ZNF512: variants seen among roughly 807,000 people sequenced by gnomAD.
ZNF512 encodes the protein zinc finger protein 512.
A neutral mutation model predicts 77.5 loss-of-function variants in ZNF512; 25 were observed. The ratio of observed to expected loss-of-function variants is 0.32; its 90% CI spans 0.23 to 0.45. The LOEUF (loss-of-function observed/expected upper bound fraction) is 0.45, where lower values mean the gene tolerates loss of function less well. Among genes scored for constraint, ZNF512 ranks in the 20% least tolerant of loss-of-function variants. The pLI is 1.00. For missense variants in ZNF512, 483 were observed against 692.6 expected (o/e 0.70, Z 3.40); for synonymous variants, 246 against 239.9 (o/e 1.03, Z -0.24).
At chr2:27,608,151 GT>G (rs1672450706) in intron 10 of ZNF512, 112 bp downstream of exon 10, 3 of 1,036,882 alleles carry the variant, frequency 2.9e-6, no homozygotes, top group Non-Finnish European at 4.0e-6. Flanking sequence ...TATTTTGTTT[GT>G]TTATCTTTGG....
intron 10 of ZNF512, among the ~76,000 whole-genome samples, chr2:27,611,094 T>C (rs1672640742): frequency 6.6e-6 from 1 of 152,190 alleles, no homozygotes; most frequent in Non-Finnish European, 1.5e-5. Flanking sequence ...TTTCTTGATG[T>C]ACATATAAGC....
intron 2 of ZNF512, among the ~76,000 whole-genome samples, chr2:27,591,657 C>T (rs1483036583): frequency 3.9e-5 from 6 of 152,228 alleles, no homozygotes; most frequent in Admixed American, 2.0e-4. Context: ...GATCTGCCCA[C>T]CTCGGCCTCC....
chr2:27,597,924 A>G (rs902559396), intron 2 of ZNF512, 143 bp from the exon 3 acceptor site: 3 of 541,802 alleles, frequency 5.5e-6, no homozygotes, highest in African/African-American at 1.9e-5. Context: ...TGTTATTGTT[A>G]GGTGATTACA....
chr2:27,620,135 GT>G (rs1159775773), intron 13 of ZNF512, among the ~76,000 whole-genome samples: 1 of 151,994 alleles, frequency 6.6e-6, no homozygotes, highest in Non-Finnish European at 1.5e-5. Context: ...TGAAATTAAT[GT>G]TAATAATTAT....
chr2:27,612,428 T>C (rs1672706202), intron 10 of ZNF512, among the ~76,000 whole-genome samples: 1 of 152,160 alleles, frequency 6.6e-6, no homozygotes, highest in Non-Finnish European at 1.5e-5. Context: ...TCATTGTTTC[T>C]GTGCCTTCTT....
At chr2:27,609,367 C>T (rs1672510014) in intron 10 of ZNF512, among the ~76,000 whole-genome samples, 1 of 152,112 alleles carries the variant, frequency 6.6e-6, no homozygotes, top group Admixed American at 6.5e-5. Flanking sequence ...GGGTTTTGCA[C>T]AGTGATATTT....
chr2:27,592,297 T>TTTTA (rs1038077165), intron 2 of ZNF512, among the ~76,000 whole-genome samples: 11 of 150,932 alleles, frequency 7.3e-5, no homozygotes, highest in East Asian at 2.0e-4. Flanking sequence ...AGCTTAGTTT[T>TTTTA]TTTATTTATT....
intron 13 of ZNF512, among the ~76,000 whole-genome samples, chr2:27,619,038 G>C (rs1281643337): frequency 6.6e-6 from 1 of 152,192 alleles, no homozygotes; most frequent in Non-Finnish European, 1.5e-5. Context: ...CCTAACCAAA[G>C]CCTGAGATGT....
intron 2 of ZNF512, among the ~76,000 whole-genome samples, chr2:27,590,640 G>T (rs1426263747): frequency 6.6e-6 from 1 of 151,812 alleles, no homozygotes; most frequent in East Asian, 1.9e-4. Flanking sequence ...TCTTCTTTTG[G>T]ATTATTTGAA....
At chr2:27,620,972 A>G (rs1460556262) in intron 13 of ZNF512, among the ~76,000 whole-genome samples, 181 bp from the exon 14 acceptor site, 1 of 152,220 alleles carries the variant, frequency 6.6e-6, no homozygotes, top group Non-Finnish European at 1.5e-5. Context: ...TGTGCTTGTA[A>G]TAGCTGCTCT....
At chr2:27,608,518 C>T (rs1221971543) in intron 10 of ZNF512, among the ~76,000 whole-genome samples, 1 of 151,972 alleles carries the variant, frequency 6.6e-6, no homozygotes, top group Non-Finnish European at 1.5e-5. Context: ...ACTTGGCCTT[C>T]TTCTTCTTGA....
intron 7 of ZNF512, among the ~76,000 whole-genome samples, 183 bp downstream of exon 7, chr2:27,601,625 C>T (rs1672117967): frequency 6.6e-6 from 1 of 150,608 alleles, no homozygotes; most frequent in Non-Finnish European, 1.5e-5. Context: ...AGGCGTGCGC[C>T]ACCACGCCTG....
chr2:27,615,531 A>G (rs1349071753), intron 11 of ZNF512, among the ~76,000 whole-genome samples: 3 of 152,254 alleles, frequency 2.0e-5, no homozygotes, highest in Non-Finnish European at 4.4e-5. Flanking sequence ...GTTTCTGTGC[A>G]GCTGCATTTA....
At position 27,592,667 on chromosome 2, in the gene ZNF512, C is replaced by CTT. The variant is rs139890307; in HGVS notation, c.90-5371_90-5370dup. 6.2e-3 allele frequency among the ~76,000 whole-genome samples: 504 copies of CTT among 81,530 alleles called. 48 individuals carry two copies. Among genetic ancestry groups the CTT allele is most frequent in the Non-Finnish European group, 9.3e-3 (398 of 42,708 alleles). 53.5% of individuals were successfully genotyped at this position (81,530 alleles called of 152,430 possible). On this transcript the variant is annotated intron_variant, in intron 2 of 13. Coordinates refer to ENST00000355467, the MANE Select transcript of ZNF512 (RefSeq NM_032434.4). Reference sequence around the variant, plus strand: ...TACCCATATAATTTACCATGTTTACCTTTTTTTTTTTTTTTTTTTTTTTTT... The same window carrying CTT: ...TACCCATATAATTTACCATGTTTACCTTTTTTTTTTTTTTTTTTTTTTTTTTT...
At position 27,612,022 on chromosome 2, in the gene ZNF512, A is replaced by T. The variant is rs187512432; in HGVS notation, c.1132-3146A>T. On this transcript the variant is annotated intron_variant, in intron 10 of 13. Coordinates refer to ENST00000355467, the MANE Select transcript of ZNF512 (RefSeq NM_032434.4). ...TTATGCCTGTGATGTTTACATAATG[A>T]TTTTCAGTTTCCATCGTTTTTTCTA... 3.2e-3 allele frequency among the ~76,000 whole-genome samples: 482 copies of T among 152,072 alleles called. 1 individual carries two copies. Among genetic ancestry groups the T allele is most frequent in the African/African-American group, 0.011 (460 of 41,474 alleles).
At chr2:27,595,197 A>G (rs1333914179) in intron 2 of ZNF512, among the ~76,000 whole-genome samples, 1 of 152,038 alleles carries the variant, frequency 6.6e-6, no homozygotes, top group Non-Finnish European at 1.5e-5. Context: ...TCCCTCTGGG[A>G]TTACAACTAC....
intron 2 of ZNF512, among the ~76,000 whole-genome samples, chr2:27,586,709 A>G (rs1223072568): frequency 6.6e-6 from 1 of 152,224 alleles, no homozygotes; most frequent in Non-Finnish European, 1.5e-5. Context: ...CCATTGCCAC[A>G]ATCAAGATAA....
intron 2 of ZNF512, among the ~76,000 whole-genome samples, chr2:27,593,387 G>T (rs1205674240): frequency 2.3e-5 from 3 of 131,644 alleles, no homozygotes; most frequent in Admixed American, 7.7e-5. Flanking sequence ...GTGAGACCTT[G>T]TCTCAAAAAA....
rs769948894 is a variant in ZNF512, at chr2:27,599,938, A to G, written c.374-32A>G. ...AGATTTTGGTATTAGCAAGGGTGAC[A>G]TGCTGGGCTTCAAGTTTCTGTCTTA... is the stretch of plus-strand genomic sequence containing the variant. On this transcript the variant is annotated intron_variant, in intron 4 of 13. Coordinates refer to ENST00000355467, the MANE Select transcript of ZNF512 (RefSeq NM_032434.4). 3.7e-6 allele frequency: 6 copies of G among 1,612,330 alleles called. No homozygotes were observed. The African/African-American group carries it at 4.0e-5, about 11-fold the overall frequency.
Sources: gnomAD v4.1 joint callset for allele counts (sites outside exome capture counted in the v4.1 genomes callset) on GRCh38, gnomAD v4.1.1 for gene constraint, MANE v1.5 for transcripts, NCBI Gene and HGNC (gene_info 2026-07-23, HGNC 2026-07-21) for gene names.